DGKB: variants seen among roughly 807,000 people sequenced by gnomAD.
DGKB encodes the protein diacylglycerol kinase beta, also known as 90 kDa diacylglycerol kinase.
DGKB carries 67 observed loss-of-function variants against 114.3 expected under a neutral mutation model. The observed-to-expected ratio is 0.59, with a 90% CI of 0.48 to 0.72. The LOEUF is 0.72. Among genes scored for constraint, DGKB ranks in the 30% least tolerant of loss-of-function variants. The pLI, the probability that DGKB is intolerant of heterozygous loss-of-function variation, is 0.00. For synonymous variants in DGKB, 398 were observed against 323.1 expected (o/e 1.23, Z -2.49); for missense variants, 907 against 975.2 (o/e 0.93, Z 0.93).
intron 23 of DGKB, among the ~76,000 whole-genome samples, chr7:14,327,066 T>G (rs1808868817): frequency 6.6e-6 from 1 of 152,192 alleles, no homozygotes; most frequent in South Asian, 2.1e-4. Context: ...CTATAGTAAT[T>G]CATTTATTTC....
chr7:14,178,225 T>C (rs1782076063), intron 23 of DGKB, 74 bp from the exon 24 acceptor site: 5 of 1,489,124 alleles, frequency 3.4e-6, no homozygotes, highest in African/African-American at 1.4e-5. Flanking sequence ...TTTGATATTA[T>C]GGAGATTAAA....
chr7:14,899,625 T>G (rs1461131425), intron 1 of DGKB, among the ~76,000 whole-genome samples: 1 of 152,120 alleles, frequency 6.6e-6, no homozygotes, highest in African/African-American at 2.4e-5. Flanking sequence ...TTCCATTTCC[T>G]TCCTGGAAAT....
intron 21 of DGKB, among the ~76,000 whole-genome samples, chr7:14,407,846 CA>C (rs1296154855): frequency 6.6e-6 from 1 of 151,890 alleles, no homozygotes; most frequent in African/African-American, 2.4e-5. Flanking sequence ...AGATCAGCAA[CA>C]AGAGAGATAG....
chr7:14,751,704 T>C (rs6946045), intron 4 of DGKB, among the ~76,000 whole-genome samples: 1 of 152,148 alleles, frequency 6.6e-6, no homozygotes, highest in Non-Finnish European at 1.5e-5. Context: ...AAATTACACG[T>C]CATGTTCCCC....
rs1824927532 is a variant in DGKB at position 14,411,805 on chromosome 7, C to CCA, written c.1835+66355_1835+66356insTG. Among the ~76,000 whole-genome samples, 2 of 10,622 alleles carry CCA rather than the reference C, an allele frequency of 1.9e-4. 1 individual carries two copies. 7.0% of individuals were successfully genotyped at this position (10,622 alleles called of 152,430 possible). ...GAAATAATTATAGATACAAAGAAAG[C>CCA]TCTGTATACAAAGATGTTAACCAAA... On this transcript the variant is annotated intron_variant, in intron 21 of 25. Transcript: ENST00000402815.
chr7:14,329,645 G>A (rs1809367060), intron 23 of DGKB, among the ~76,000 whole-genome samples: 1 of 151,854 alleles, frequency 6.6e-6, no homozygotes, highest in African/African-American at 2.4e-5. Flanking sequence ...CCTGATGATA[G>A]AAAGAAATTA....
rs1784771154 is a variant in DGKB, at chr7:14,926,701, G to A, written c.-188+47995C>T. Among the ~76,000 whole-genome samples, 2 of 151,456 alleles carry A rather than the reference G, an allele frequency of 1.3e-5. 1 individual carries two copies. The highest frequency in any genetic ancestry group is 4.2e-4 in the South Asian group (2 of 4,818). On this transcript the variant is annotated intron_variant, in intron 1 of 4. Coordinates refer to the DGKB transcript ENST00000437998. ...ATTTCTTTAAATATATTTAACATAA[G>A]TATTTTATATTTTATTTCTGATATA...
At chr7:14,735,899 G>A in intron 5 of DGKB, 142 bp downstream of exon 5, 1 of 454,034 alleles carries the variant, frequency 2.2e-6, no homozygotes, top group Non-Finnish European at 3.9e-6. Flanking sequence ...TTTTAAATGA[G>A]TCACACAATC....
intron 25 of DGKB, among the ~76,000 whole-genome samples, chr7:14,172,273 T>C (rs1781117016): frequency 6.6e-6 from 1 of 152,202 alleles, no homozygotes; most frequent in South Asian, 2.1e-4. Flanking sequence ...ATATTTTAAG[T>C]AGAAGAGTGC....
At chr7:14,893,939 G>A (rs1437205547) in intron 1 of DGKB, among the ~76,000 whole-genome samples, 1 of 151,040 alleles carries the variant, frequency 6.6e-6, no homozygotes, top group Non-Finnish European at 1.5e-5. Flanking sequence ...GTCAAAATCG[G>A]GTTCTGTTCA....
rs1847899537 is a variant in DGKB, at chr7:14,841,289, T to C, written c.-26A>G. On this transcript the variant is annotated 5_prime_UTR_variant, in exon 2 of 26. The change abolishes an upstream ATG in the 5' untranslated region. Coordinates refer to ENST00000402815, the MANE Select transcript of DGKB (RefSeq NM_001350709.2). The stretch of plus-strand genomic sequence containing the variant: ...GGTGGTGGTGAGAAGCTCTGTCACA[T>C]ACCAGGTAAAAGATTCTTTATTCAG... 1.9e-6 allele frequency: 3 copies of C among 1,607,690 alleles called. No homozygotes were observed. The highest frequency in any genetic ancestry group is 1.1e-5 in the South Asian group (1 of 90,310).
chr7:14,667,463 A>G (rs1271090904), intron 13 of DGKB, among the ~76,000 whole-genome samples: 1 of 152,108 alleles, frequency 6.6e-6, no homozygotes, highest in East Asian at 1.9e-4. Context: ...TGTGATAGAG[A>G]TAATATCAAT....
chr7:14,363,084 G>C (rs77475594), intron 21 of DGKB, among the ~76,000 whole-genome samples: 2,005 of 152,230 alleles, frequency 0.013, 48 homozygotes, highest in African/African-American at 0.046. Context: ...ACCACTAGGA[G>C]AGGGAGACAC....
At chr7:14,946,254 A>T (rs1381038837) in intron 1 of DGKB, among the ~76,000 whole-genome samples, 2 of 151,662 alleles carry the variant, frequency 1.3e-5, no homozygotes, top group Non-Finnish European at 3.0e-5. Context: ...AATCTGCTTA[A>T]CATTTCCAGT....
intron 1 of DGKB, among the ~76,000 whole-genome samples, chr7:14,850,690 TA>T (rs1489386474): frequency 6.6e-6 from 1 of 152,096 alleles, no homozygotes. Context: ...AAAAATTACC[TA>T]AAAATGTGGT....
intron 23 of DGKB, among the ~76,000 whole-genome samples, chr7:14,302,050 A>G (rs1314150668): frequency 6.6e-6 from 1 of 152,138 alleles, no homozygotes; most frequent in East Asian, 1.9e-4. Flanking sequence ...AAGGACGATG[A>G]ACAAACCAAA....
intron 2 of DGKB, among the ~76,000 whole-genome samples, chr7:14,818,880 T>C (rs1360080941): frequency 1.3e-5 from 2 of 152,188 alleles, no homozygotes; most frequent in African/African-American, 2.4e-5. Flanking sequence ...GATGGTGTTA[T>C]GTGGAAGCAC....
At chr7:14,595,521 T>G (rs902324034) in intron 17 of DGKB, among the ~76,000 whole-genome samples, 12 of 116,114 alleles carry the variant, frequency 1.0e-4, no homozygotes, top group African/African-American at 4.8e-4. Context: ...GCCTGATGTT[T>G]ATAAAAATTG....
intron 21 of DGKB, among the ~76,000 whole-genome samples, chr7:14,355,959 G>A (rs1814394128): frequency 6.6e-6 from 1 of 152,122 alleles, no homozygotes; most frequent in Non-Finnish European, 1.5e-5. Context: ...TTCAGAACTT[G>A]CTATTTGTCT....
Sources: gnomAD v4.1 joint callset for allele counts (sites outside exome capture counted in the v4.1 genomes callset) on GRCh38, gnomAD v4.1.1 for gene constraint, MANE v1.5 for transcripts, NCBI Gene and HGNC (gene_info 2026-07-23, HGNC 2026-07-21) for gene names.